The following UCHL3 variants were observed in gnomAD, a reference collection of about 807,000 sequenced individuals.
The protein encoded by UCHL3 is ubiquitin carboxyl-terminal hydrolase isozyme L3.
In UCHL3, 22 loss-of-function variants were observed where a neutral mutation model predicts 35.8. The ratio of observed to expected loss-of-function variants is 0.61; its 90% CI spans 0.44 to 0.88. The LOEUF (loss-of-function observed/expected upper bound fraction) is 0.88. UCHL3 is among the 40% of genes least tolerant of loss of function. UCHL3 has a pLI of 0.00. For missense variants in UCHL3, 229 were observed against 276.9 expected (o/e 0.83, Z 1.23); for synonymous variants, 90 against 92.8 (o/e 0.97, Z 0.17).
Position 75,594,918 on chromosome 13 carries a change from C to G in UCHL3, c.478C>G (p.Pro160Ala), listed in dbSNP as rs375314560. The change falls in exon 7 of 9, where the codon CCA (proline) becomes GCA (alanine). Residue 160 changes from proline (P) to alanine (A), a missense_variant. By Grantham distance (27) the Pro-to-Ala change is conservative. Transcript: ENST00000377595. The part of the protein sequence containing the change: ...TSAHEGQTEA[P>A]SIDEKVDLHF... ...CTATTTTTCCCTCCTATTCCAGGCA[C>G]CAAGTATAGATGAGAAAGTAGATCT... is the stretch of plus-strand genomic sequence containing the variant. 6.2e-7 allele frequency: 1 copy of G among 1,606,180 alleles called. No homozygotes were observed. Among genetic ancestry groups the G allele is most frequent in the Non-Finnish European group, 8.5e-7 (1 of 1,178,106 alleles).
At chr13:75,582,945 C>T (rs2032225025) in intron 6 of UCHL3, among the ~76,000 whole-genome samples, 1 of 152,112 alleles carries the variant, frequency 6.6e-6, no homozygotes, top group African/African-American at 2.4e-5. Flanking sequence ...ATTAGATCAA[C>T]TCTTTGAAAT....
chr13:75,558,859 C>G (rs2031382631), intron 2 of UCHL3, among the ~76,000 whole-genome samples: 1 of 151,986 alleles, frequency 6.6e-6, no homozygotes, highest in Non-Finnish European at 1.5e-5. Context: ...AATTTTTATC[C>G]TTTTTGGTTT....
At chr13:75,578,132 TTTTA>T (rs1263627573) in intron 6 of UCHL3, among the ~76,000 whole-genome samples, 1 of 152,162 alleles carries the variant, frequency 6.6e-6, no homozygotes, top group Non-Finnish European at 1.5e-5. Context: ...GATCAAGCGA[TTTTA>T]TTTGACTTTT....
chr13:75,605,306 G>A (rs1413003712), intron 8 of UCHL3, among the ~76,000 whole-genome samples: 1 of 152,234 alleles, frequency 6.6e-6, no homozygotes, highest in East Asian at 1.9e-4. Flanking sequence ...TCAGGAGTTC[G>A]AGACCAGCCT....
chr13:75,595,345 G>T (rs1453409192), intron 7 of UCHL3, among the ~76,000 whole-genome samples: 1 of 151,968 alleles, frequency 6.6e-6, no homozygotes, highest in Non-Finnish European at 1.5e-5. Context: ...TTAAAAGATA[G>T]TGTAATATTT....
chr13:75,553,310 C>T (rs2031179016), intron 2 of UCHL3, among the ~76,000 whole-genome samples: 1 of 152,186 alleles, frequency 6.6e-6, no homozygotes, highest in Non-Finnish European at 1.5e-5. Flanking sequence ...CTTATTCATT[C>T]CTGTGTAGCT....
chr13:75,595,898 A>G (rs1003195957), intron 7 of UCHL3, among the ~76,000 whole-genome samples: 1 of 151,928 alleles, frequency 6.6e-6, no homozygotes, highest in Non-Finnish European at 1.5e-5. Flanking sequence ...CATAATTGGT[A>G]TACAATACTT....
chr13:75,604,753 T>C lies in UCHL3; in HGVS notation c.551-16T>C. Reference sequence around the variant, plus strand: ...AAAAACAGCTAAGCATTCAATTGTTTGTCTGTTTTCCACAGATGGGCGGAA... The same window carrying C: ...AAAAACAGCTAAGCATTCAATTGTTCGTCTGTTTTCCACAGATGGGCGGAA... On this transcript the variant is annotated splice_polypyrimidine_tract_variant and intron_variant, in intron 7 of 8. Coordinates refer to ENST00000377595, the MANE Select transcript of UCHL3 (RefSeq NM_006002.5). The C allele has an allele frequency of 6.3e-7, 1 of 1,589,152 alleles. No homozygotes were observed. The highest frequency in any genetic ancestry group is 1.8e-5 in the Admixed American group (1 of 55,782).
chr13:75,562,641 C>CT (rs1491214802), intron 3 of UCHL3, among the ~76,000 whole-genome samples: 1 of 151,920 alleles, frequency 6.6e-6, no homozygotes, highest in Non-Finnish European at 1.5e-5. Context: ...TTTTTTATGA[C>CT]TTTTTTTGTA....
At chr13:75,563,415 G>A (rs1399946694) in intron 3 of UCHL3, among the ~76,000 whole-genome samples, 1 of 152,078 alleles carries the variant, frequency 6.6e-6, no homozygotes, top group African/African-American at 2.4e-5. Flanking sequence ...GATTTTGAAT[G>A]ATCTGCCCAC....
chr13:75,576,306 T>C (rs780103496), intron 6 of UCHL3, among the ~76,000 whole-genome samples: 1 of 152,194 alleles, frequency 6.6e-6, no homozygotes, highest in African/African-American at 2.4e-5. Context: ...CTCTGCTCAC[T>C]GCAACGTCTG....
intron 6 of UCHL3, among the ~76,000 whole-genome samples, chr13:75,583,335 T>C (rs1045266285): frequency 6.6e-6 from 1 of 152,178 alleles, no homozygotes; most frequent in Non-Finnish European, 1.5e-5. Flanking sequence ...TTTAACAGAG[T>C]GTACTTTTAG....
chr13:75,596,819 T>A (rs1297040281), intron 7 of UCHL3, among the ~76,000 whole-genome samples: 2 of 152,112 alleles, frequency 1.3e-5, no homozygotes, highest in African/African-American at 4.8e-5. Context: ...AAGCTACATA[T>A]GAAGAATGAT....
At chr13:75,561,257 A>G (rs936489098) in intron 3 of UCHL3, among the ~76,000 whole-genome samples, 7 of 152,094 alleles carry the variant, frequency 4.6e-5, no homozygotes, top group Admixed American at 3.9e-4. Flanking sequence ...TCTTTTTTTA[A>G]TTTACAAAGT....
intron 6 of UCHL3, among the ~76,000 whole-genome samples, chr13:75,575,196 A>G (rs969033449): frequency 2.0e-5 from 3 of 152,192 alleles, no homozygotes; most frequent in African/African-American, 7.2e-5. Flanking sequence ...AAGATTGGCC[A>G]TAGCATACTG....
chr13:75,558,189 G>C (rs1309315888), intron 2 of UCHL3, among the ~76,000 whole-genome samples: 3 of 152,106 alleles, frequency 2.0e-5, no homozygotes, highest in Admixed American at 6.5e-5. Context: ...ATATGAGTAA[G>C]AAGTTAAAAA....
chr13:75,555,352 T>G (rs902919740), intron 2 of UCHL3, among the ~76,000 whole-genome samples: 11 of 152,214 alleles, frequency 7.2e-5, no homozygotes, highest in African/African-American at 2.7e-4. Flanking sequence ...ATTATCTTGT[T>G]TATGTGTATA....
At chr13:75,552,461 A>G (rs1229620718) in intron 2 of UCHL3, among the ~76,000 whole-genome samples, 2 of 152,218 alleles carry the variant, frequency 1.3e-5, no homozygotes, top group Admixed American at 1.3e-4. Flanking sequence ...TTAGGCTCTG[A>G]TGATGCCTAG....
chr13:75,589,884 A>T, intron 6 of UCHL3: 1 of 1,228,336 alleles, frequency 8.1e-7, no homozygotes, highest in Non-Finnish European at 1.1e-6. Flanking sequence ...TTAAGAATAA[A>T]TGATCACCCA....
Sources: gnomAD v4.1 joint callset for allele counts (sites outside exome capture counted in the v4.1 genomes callset) on GRCh38, gnomAD v4.1.1 for gene constraint, MANE v1.5 for transcripts, NCBI Gene and HGNC (gene_info 2026-07-23, HGNC 2026-07-21) for gene names.